CDC42SE2: variants seen among roughly 807,000 people sequenced by gnomAD.
CDC42SE2 encodes the protein CDC42 small effector 2, also known as CDC42 small effector protein 2.
Under a neutral mutation model 11.5 loss-of-function variants are expected in CDC42SE2, and 3 were observed. The observed-to-expected ratio is 0.26, with a 90% CI of 0.12 to 0.67. CDC42SE2 has a LOEUF of 0.67. Ranked by LOEUF, CDC42SE2 falls within the 30% of genes least tolerant of loss-of-function variation. The pLI, the probability that CDC42SE2 is intolerant of heterozygous loss-of-function variation, is 0.80. For missense variants in CDC42SE2, 82 were observed against 106.8 expected (o/e 0.77, Z 1.02); for synonymous variants, 33 against 34.8 (o/e 0.95, Z 0.18).
intron 1 of CDC42SE2, among the ~76,000 whole-genome samples, chr5:131,286,652 T>C (rs1323505092): frequency 1.3e-5 from 2 of 151,992 alleles, no homozygotes; most frequent in African/African-American, 4.8e-5. Flanking sequence ...CTCCTTTTCC[T>C]CCTTCTCTTC....
chr5:131,272,185 A>ATT (rs577703950), intron 1 of CDC42SE2, among the ~76,000 whole-genome samples: 1 of 149,998 alleles, frequency 6.7e-6, no homozygotes, highest in Non-Finnish European at 1.5e-5. Context: ...TGATTTTTGT[A>ATT]TTTTTTTTTA....
At chr5:131,270,900 C>G (rs1756981661) in intron 1 of CDC42SE2, among the ~76,000 whole-genome samples, 1 of 151,910 alleles carries the variant, frequency 6.6e-6, no homozygotes, top group Non-Finnish European at 1.5e-5. Flanking sequence ...TATGGTATTC[C>G]TACCACTTCA....
At chr5:131,278,002 C>CT (rs1244258587) in intron 1 of CDC42SE2, among the ~76,000 whole-genome samples, 28 of 151,624 alleles carry the variant, frequency 1.8e-4, no homozygotes, top group East Asian at 3.9e-4. Context: ...ATTCCCCCCA[C>CT]TTTTTTTTTG....
At chr5:131,218,968 G>A in the CDC42SE2 span, among the ~76,000 whole-genome samples, 1 of 152,146 alleles carries the variant, frequency 6.6e-6, no homozygotes, top group Middle Eastern at 3.2e-3. Flanking sequence ...TGTCTTAGAA[G>A]CCAAGATAGT....
chr5:131,303,885 A>T (rs955318923), intron 1 of CDC42SE2, among the ~76,000 whole-genome samples: 1 of 152,114 alleles, frequency 6.6e-6, no homozygotes. Context: ...AATATGATGG[A>T]ACTGAGACTG....
intron 3 of CDC42SE2, among the ~76,000 whole-genome samples, chr5:131,371,763 G>T (rs1434654698): frequency 6.6e-6 from 1 of 152,206 alleles, no homozygotes; most frequent in Non-Finnish European, 1.5e-5. Context: ...TATCCAAATA[G>T]AAATGAACAC....
intron 2 of CDC42SE2, among the ~76,000 whole-genome samples, chr5:131,353,393 T>G (rs550315417): frequency 1.3e-5 from 2 of 152,036 alleles, no homozygotes; most frequent in Non-Finnish European, 2.9e-5. Context: ...GCAAGTCTTG[T>G]GCCTCAGCCA....
chr5:131,308,852 T>G (rs140767320), intron 1 of CDC42SE2, among the ~76,000 whole-genome samples: 1 of 152,080 alleles, frequency 6.6e-6, no homozygotes, highest in East Asian at 1.9e-4. Context: ...TGGGCTGAGA[T>G]GATGGGGTTT....
At chr5:131,222,818 T>A in the CDC42SE2 span, among the ~76,000 whole-genome samples, 1 of 152,206 alleles carries the variant, frequency 6.6e-6, no homozygotes. Flanking sequence ...TCCCAGTGAT[T>A]CCCATAGAAA....
At chr5:131,328,869 C>T (rs950688703) in intron 2 of CDC42SE2, among the ~76,000 whole-genome samples, 1 of 152,198 alleles carries the variant, frequency 6.6e-6, no homozygotes, top group Admixed American at 6.5e-5. Context: ...CTGTCAAGTT[C>T]TGTTGGCTGC....
intron 3 of CDC42SE2, among the ~76,000 whole-genome samples, chr5:131,376,100 A>C (rs933833516): frequency 6.6e-6 from 1 of 152,030 alleles, no homozygotes; most frequent in African/African-American, 2.4e-5. Context: ...TTAGATGGGC[A>C]TGGTGGTGCA....
upstream of CDC42SE2, chr5:131,263,849 G>A (rs1756786080): frequency 1.3e-5 from 2 of 152,240 alleles, no homozygotes; most frequent in South Asian, 4.1e-4. Flanking sequence ...AACCCGCGCG[G>A]CTCGAATCCC....
intron 2 of CDC42SE2, among the ~76,000 whole-genome samples, chr5:131,258,724 C>T (rs1756700108): frequency 6.6e-6 from 1 of 152,196 alleles, no homozygotes; most frequent in African/African-American, 2.4e-5. Flanking sequence ...ACCTTCTTCA[C>T]AGAGACCCAC....
At chr5:131,221,260 A>T in the CDC42SE2 span, among the ~76,000 whole-genome samples, 2 of 151,996 alleles carry the variant, frequency 1.3e-5, no homozygotes, top group African/African-American at 4.8e-5. Context: ...GCCCAACACA[A>T]ATTCATAAAC....
At chr5:131,389,629 C>A (rs1456713920) in intron 4 of CDC42SE2, among the ~76,000 whole-genome samples, 1 of 152,196 alleles carries the variant, frequency 6.6e-6, no homozygotes, top group African/African-American at 2.4e-5. Context: ...ACAAGTCTTA[C>A]TTTAAATATA....
intron 3 of CDC42SE2, among the ~76,000 whole-genome samples, chr5:131,384,018 G>GC (rs1750400876): frequency 2.6e-5 from 4 of 152,152 alleles, no homozygotes; most frequent in Admixed American, 2.6e-4. Flanking sequence ...AACACATGGA[G>GC]CAATTATCAA....
chr5:131,386,815 CAT>C (rs1561438699), intron 4 of CDC42SE2, among the ~76,000 whole-genome samples: 2 of 152,134 alleles, frequency 1.3e-5, no homozygotes, highest in African/African-American at 2.4e-5. Flanking sequence ...ATTTTATAAA[CAT>C]AAAATTATGA....
chr5:131,256,017 A>G (rs1011127678), intron 2 of CDC42SE2, among the ~76,000 whole-genome samples: 6 of 152,204 alleles, frequency 3.9e-5, no homozygotes, highest in African/African-American at 1.4e-4. Context: ...TCCGCCTGAC[A>G]CTAGAGACCA....
chr5:131,268,062 T>C (rs1476035494), intron 1 of CDC42SE2, among the ~76,000 whole-genome samples: 2 of 136,444 alleles, frequency 1.5e-5, no homozygotes, highest in African/African-American at 5.7e-5. Flanking sequence ...TTCTTTTTTT[T>C]TTTTTTTTTT....
Sources: allele counts gnomAD v4.1 joint callset (sites outside exome capture counted in the v4.1 genomes callset), GRCh38; gene constraint gnomAD v4.1.1; transcripts MANE v1.5; gene names NCBI Gene and HGNC (gene_info 2026-07-23, HGNC 2026-07-21).